The following C4orf50 variants were observed in gnomAD, a reference collection of about 807,000 sequenced individuals.
C4orf50 encodes uncharacterized protein C4orf50.
C4orf50 carries 80 observed loss-of-function variants against 77.2 expected under a neutral mutation model. The ratio of observed to expected loss-of-function variants is 1.04; its 90% CI spans 0.87 to 1.25. C4orf50 has a LOEUF of 1.25. C4orf50 is among the 50% of genes most tolerant of loss of function. The pLI, the probability that C4orf50 is intolerant of heterozygous loss-of-function variation, is 0.00. For synonymous variants in C4orf50, 532 were observed against 465.3 expected, an observed-to-expected ratio of 1.14 and a Z score of -1.84; for missense variants, 1,257 against 1,152.9, an observed-to-expected ratio of 1.09 and a Z score of -1.31.
At chr4:5,911,578 C>A (rs1293689995) in intron 7 of C4orf50, among the ~76,000 whole-genome samples, 2 of 152,202 alleles carry the variant, frequency 1.3e-5, no homozygotes, top group Admixed American at 6.5e-5. Flanking sequence ...AAAGGCCCAG[C>A]TTGGCCTGCT....
chr4:6,016,235 T>C (rs1383772790), intron 23 of C4orf50, among the ~76,000 whole-genome samples: 1 of 152,210 alleles, frequency 6.6e-6, no homozygotes, highest in East Asian at 1.9e-4. Context: ...CTCTTATTTG[T>C]ATCAATTAGC....
At chr4:5,944,375 C>A (rs1718393766) in intron 7 of C4orf50, among the ~76,000 whole-genome samples, 1 of 152,248 alleles carries the variant, frequency 6.6e-6, no homozygotes, top group Non-Finnish European at 1.5e-5. Context: ...CTCCTTCATT[C>A]TCTGCCCCCC....
intron 24 of C4orf50, among the ~76,000 whole-genome samples, chr4:6,010,472 C>T (rs2108811616): frequency 6.6e-6 from 1 of 152,322 alleles, no homozygotes; most frequent in Non-Finnish European, 1.5e-5. Context: ...ATAAGAAACA[C>T]CTGTGAACAT....
chr4:6,012,471 C>T (rs1004086886), intron 23 of C4orf50, among the ~76,000 whole-genome samples: 3 of 152,094 alleles, frequency 2.0e-5, no homozygotes, highest in Non-Finnish European at 4.4e-5. Context: ...TGCTGTCTCC[C>T]GTTTTAGCTA....
Position 5,916,217 on chromosome 4 carries a change from A to G in C4orf50, c.*2475-18029T>C, listed in dbSNP as rs28502317. Among the ~76,000 whole-genome samples, 9,558 of 152,298 alleles carry G rather than the reference A, an allele frequency of 0.063. 585 individuals are homozygous for G. Among genetic ancestry groups the G allele is most frequent in the African/African-American group, 0.15 (6,385 of 41,548 alleles). On this transcript the variant is annotated intron_variant, in intron 7 of 7. Coordinates refer to the C4orf50 transcript ENST00000324058. This position sits in a 1 kb window ranked among gnomAD's most constrained non-coding sequence, Gnocchi z 4.4. ...TGGCTTCCCTCACTGGACAGGGAAC[A>G]GACGCACCAACAGCTCCTGGTTACT...
intron 7 of C4orf50, among the ~76,000 whole-genome samples, chr4:5,933,867 G>C (rs1717878010): frequency 6.6e-6 from 1 of 152,170 alleles, no homozygotes; most frequent in Non-Finnish European, 1.5e-5. Context: ...CAATGTGGGG[G>C]TCCTGGTGAC....
chr4:5,988,916 CTT>C lies in C4orf50; in HGVS notation c.3128_3129del (p.Lys1043ArgfsTer25), dbSNP rs1423169138. 1 of 1,535,946 alleles carries C rather than the reference CTT, an allele frequency of 6.5e-7. No homozygotes were observed. Among genetic ancestry groups the C allele is most frequent in the East Asian group, 2.4e-5 (1 of 40,924 alleles). Reference sequence around the variant, plus strand: ...TCCAGGGTGACTTGCTCCATCGTGTCTTTGGATTTCCTGACACTCTCAGACGT... The same window carrying C: ...TCCAGGGTGACTTGCTCCATCGTGTCTGGATTTCCTGACACTCTCAGACGT... On this transcript the variant is annotated frameshift_variant, in exon 28 of 34. Coordinates refer to ENST00000531445, the Ensembl canonical transcript of C4orf50. LOFTEE classifies it high-confidence loss of function.
rs1170304519 is a variant in C4orf50, at chr4:6,017,468, G to A, written c.287+677C>T. Among the ~76,000 whole-genome samples, 4 of 152,210 alleles carry A rather than the reference G, an allele frequency of 2.6e-5. No individual in the cohort carries two copies. The highest frequency in any genetic ancestry group is 9.6e-5 in the African/African-American group (4 of 41,462). Reference sequence around the variant, plus strand: ...GACTCTTGACTAACCCTGAGTCCACGAATGCCTCCAAGATGTGGAGTTGAT... The same window carrying A: ...GACTCTTGACTAACCCTGAGTCCACAAATGCCTCCAAGATGTGGAGTTGAT... On this transcript the variant is annotated intron_variant, in intron 23 of 33. Coordinates refer to ENST00000531445, the Ensembl canonical transcript of C4orf50. This position sits in a 1 kb window ranked among gnomAD's most constrained non-coding sequence, Gnocchi z 4.7.
At chr4:5,931,684 CA>C (rs1251230611) in intron 7 of C4orf50, among the ~76,000 whole-genome samples, 1 of 152,134 alleles carries the variant, frequency 6.6e-6, no homozygotes, top group Non-Finnish European at 1.5e-5. Flanking sequence ...AGGCCCACTC[CA>C]CCCTCTCTGC....
At chr4:5,912,648 T>C (rs1383076342) in intron 7 of C4orf50, among the ~76,000 whole-genome samples, 1 of 152,116 alleles carries the variant, frequency 6.6e-6, no homozygotes, top group African/African-American at 2.4e-5. Flanking sequence ...TTACTCACAG[T>C]TCCCTAGAGG....
chr4:5,994,387 G>A (rs1238519909), exon 26 of C4orf50: 1 of 399,344 alleles, frequency 2.5e-6, no homozygotes, highest in Non-Finnish European at 4.4e-6. Context: ...TGGACCGCAG[G>A]GAGTTCCGCC....
intron 7 of C4orf50, among the ~76,000 whole-genome samples, chr4:5,935,070 A>G (rs1422208803): frequency 6.6e-6 from 1 of 152,234 alleles, no homozygotes; most frequent in Admixed American, 6.5e-5. Context: ...TTAGAACAGC[A>G]CTTGGCACAC....
At chr4:5,917,058 A>G (rs758605514) in intron 7 of C4orf50, among the ~76,000 whole-genome samples, 2 of 152,226 alleles carry the variant, frequency 1.3e-5, no homozygotes, top group South Asian at 2.1e-4. Context: ...AGATTTCCAG[A>G]TCACGTACAT....
intron 7 of C4orf50, among the ~76,000 whole-genome samples, chr4:5,950,209 AT>A (rs1718658513): frequency 6.6e-6 from 1 of 152,160 alleles, no homozygotes; most frequent in Non-Finnish European, 1.5e-5. Flanking sequence ...AACTGCAAAT[AT>A]TTTTTAAACT....
At chr4:5,947,983 C>T (rs2108754713) in intron 7 of C4orf50, among the ~76,000 whole-genome samples, 1 of 152,274 alleles carries the variant, frequency 6.6e-6, no homozygotes, top group Non-Finnish European at 1.5e-5. Flanking sequence ...GGGTCTGTCC[C>T]CTATGTGCGC....
chr4:5,989,476 A>G, exon 28 of C4orf50: 2 of 1,535,766 alleles, frequency 1.3e-6, no homozygotes, highest in Admixed American at 3.9e-5. Context: ...ATTTCCCCAA[A>G]CCTGCTGAGA....
At chr4:6,005,658 T>C (rs1172371474) in intron 25 of C4orf50, among the ~76,000 whole-genome samples, 1 of 152,200 alleles carries the variant, frequency 6.6e-6, no homozygotes, top group African/African-American at 2.4e-5. Flanking sequence ...ATCTGTTCAG[T>C]GGGTAAACAG....
intron 7 of C4orf50, among the ~76,000 whole-genome samples, chr4:5,925,267 G>A (rs1205426520): frequency 6.6e-6 from 1 of 152,090 alleles, no homozygotes; most frequent in Non-Finnish European, 1.5e-5. Flanking sequence ...GAAGCAGCAA[G>A]GAGGTGTGGT....
intron 29 of C4orf50, among the ~76,000 whole-genome samples, chr4:5,978,628 C>T (rs568046271): frequency 1.3e-5 from 2 of 152,322 alleles, no homozygotes; most frequent in Admixed American, 1.3e-4. Context: ...GAACGAGACA[C>T]ACTCATTTAT....
Sources: allele counts gnomAD v4.1 joint callset (sites outside exome capture counted in the v4.1 genomes callset), GRCh38; gene constraint gnomAD v4.1.1; non-coding constraint Gnocchi (gnomAD v3.1); transcripts MANE v1.5; gene names NCBI Gene and HGNC (gene_info 2026-07-23, HGNC 2026-07-21).